Variants in LRCH2 observed in about 807,000 individuals in gnomAD.
LRCH2 encodes the protein leucine rich repeats and calponin homology domain containing 2, also known as leucine-rich repeat and calponin homology domain-containing protein 2.
In LRCH2, 38 loss-of-function variants were observed where a neutral mutation model predicts 68.9. That is an observed-to-expected ratio of 0.55 (90% CI 0.43 to 0.72). LRCH2 has a LOEUF of 0.72. Among genes scored for constraint, LRCH2 ranks in the 30% least tolerant of loss-of-function variants. The pLI is 0.00. For synonymous variants in LRCH2, 191 were observed against 208.1 expected, an observed-to-expected ratio of 0.92 and a Z score of 0.71; for missense variants, 528 against 572.9, an observed-to-expected ratio of 0.92 and a Z score of 0.80.
At chrX:115,176,599 G>A (rs2072649925) in intron 5 of LRCH2, among the ~76,000 whole-genome samples, 1 of 107,803 alleles carries the variant, frequency 9.3e-6, no homozygotes, top group South Asian at 3.9e-4. Context: ...AAATATTTCT[G>A]GATATCCACA....
At chrX:115,230,301 G>GT (rs782122870) in intron 1 of LRCH2, among the ~76,000 whole-genome samples, 2 of 108,323 alleles carry the variant, frequency 1.8e-5, no homozygotes, top group South Asian at 8.1e-4. Flanking sequence ...TAATCAAGGA[G>GT]TATCTGGAAG....
chrX:115,126,736 A>G (rs2072203110), intron 16 of LRCH2, 107 bp downstream of exon 16: 1 of 541,938 alleles, frequency 1.8e-6, no homozygotes, highest in Non-Finnish European at 2.8e-6. Flanking sequence ...AATAAATTAT[A>G]TTGCAAAAAA....
intron 1 of LRCH2, among the ~76,000 whole-genome samples, chrX:115,215,037 A>G (rs782707543): frequency 2.7e-5 from 3 of 112,668 alleles, no homozygotes; most frequent in South Asian, 7.3e-4. Flanking sequence ...TGTCATTTCA[A>G]ATCAATGTAG....
chrX:115,177,151 A>G (rs1243551344), intron 5 of LRCH2, among the ~76,000 whole-genome samples: 1 of 103,351 alleles, frequency 9.7e-6, no homozygotes, highest in Non-Finnish European at 2.0e-5. Context: ...AGCAGCCTCA[A>G]CCTACTGGGT....
Position 115,116,497 on chromosome X carries a change from T to C in LRCH2, c.2179-3162A>G, listed in dbSNP as rs782174613. On this transcript the variant is annotated intron_variant, in intron 20 of 20. Coordinates refer to ENST00000317135, the MANE Select transcript of LRCH2 (RefSeq NM_020871.4). ...ATTTCATTATATGTCATGTCTAGAG[T>C]AGGCAAATCCATAGAAAGAACAGAG... Among the ~76,000 whole-genome samples, 17 of 110,608 alleles carry C rather than the reference T, an allele frequency of 1.5e-4. No homozygotes were observed. The South Asian group carries it at 6.5e-3, about 42-fold the overall frequency.
At chrX:115,197,110 C>T (rs782723598) in intron 1 of LRCH2, among the ~76,000 whole-genome samples, 52 of 111,430 alleles carry the variant, frequency 4.7e-4, no homozygotes, top group African/African-American at 1.6e-3. Context: ...CCTTACCCAA[C>T]GAACATCATT....
At chrX:115,220,214 C>T (rs2073069039) in intron 1 of LRCH2, among the ~76,000 whole-genome samples, 1 of 111,674 alleles carries the variant, frequency 9.0e-6, no homozygotes. Context: ...ACTTAAACAT[C>T]TAATGATAGA....
chrX:115,178,606 C>T (rs1254857980), intron 5 of LRCH2, among the ~76,000 whole-genome samples: 2 of 111,944 alleles, frequency 1.8e-5, no homozygotes, highest in Non-Finnish European at 3.8e-5. Context: ...TTGCCTTCTC[C>T]CATAGCAGGC....
At chrX:115,200,527 T>C (rs1294516002) in intron 1 of LRCH2, among the ~76,000 whole-genome samples, 1 of 108,469 alleles carries the variant, frequency 9.2e-6, no homozygotes, top group African/African-American at 3.4e-5. Flanking sequence ...CAAGAAAACC[T>C]AGAGGAAAGA....
chrX:115,111,229 T>G lies in LRCH2; in HGVS notation c.*1987A>C, dbSNP rs2072040639. 1 of 111,004 alleles carries G rather than the reference T, an allele frequency of 9.0e-6. No homozygotes were observed. Among genetic ancestry groups the G allele is most frequent in the African/African-American group, 3.3e-5 (1 of 30,533 alleles). The allele number at this position is 111,004 out of a possible 1,213,427, so 9.1% of individuals were successfully genotyped here. A position where few individuals can be genotyped will look rare whatever the true frequency, so the allele number is the denominator to read the frequency against. On this transcript the variant is annotated 3_prime_UTR_variant, in exon 21 of 21. Transcript: ENST00000317135. Reference sequence around the variant, plus strand: ...TGCTCTGCAGTAAAGAATGCTACAGTGAGGTTCTGCTGTATTTTCTTTTTA... The same window carrying G: ...TGCTCTGCAGTAAAGAATGCTACAGGGAGGTTCTGCTGTATTTTCTTTTTA...
At position 115,111,039 on chromosome X, in the gene LRCH2, A is replaced by C. The variant is rs782582172; in HGVS notation, c.*2177T>G. 8.9e-6 allele frequency: 1 copy of C among 111,911 alleles called. No individual in the cohort carries two copies. The highest frequency in any genetic ancestry group is 3.2e-5 in the African/African-American group (1 of 30,789). 9.2% of individuals were successfully genotyped at this position (111,911 alleles called of 1,213,427 possible). ...AATAGCCATAAAAACATTTAGAATA[A>C]ATTTTACACTTAGAAACTACTAAAA... On this transcript the variant is annotated 3_prime_UTR_variant, in exon 21 of 21. Transcript: ENST00000317135.
At chrX:115,189,711 G>A (rs917815575) in intron 1 of LRCH2, 37 of 1,166,711 alleles carry the variant, frequency 3.2e-5, no homozygotes, top group Admixed American at 2.1e-4. Flanking sequence ...CGGCATTCAA[G>A]AGCAGCCGAT....
At chrX:115,179,295 G>A (rs1556551718) in intron 5 of LRCH2, 132 bp downstream of exon 5, 1 of 503,936 alleles carries the variant, frequency 2.0e-6, no homozygotes, top group Non-Finnish European at 2.9e-6. Flanking sequence ...GCAATGCTCA[G>A]AAAAACTTTA....
intron 11 of LRCH2, among the ~76,000 whole-genome samples, chrX:115,159,675 C>T (rs930471167): frequency 3.7e-5 from 4 of 106,986 alleles, no homozygotes; most frequent in Non-Finnish European, 7.7e-5. Context: ...GGCGTGAACC[C>T]AGGAGGCGGA....
chrX:115,222,127 C>A (rs1372044395), intron 1 of LRCH2, among the ~76,000 whole-genome samples: 1 of 110,773 alleles, frequency 9.0e-6, no homozygotes, highest in African/African-American at 3.3e-5. Context: ...TATTATATAC[C>A]ATGTTAATAC....
At chrX:115,219,354 C>T (rs781891744) in intron 1 of LRCH2, among the ~76,000 whole-genome samples, 1 of 111,561 alleles carries the variant, frequency 9.0e-6, no homozygotes, top group Non-Finnish European at 1.9e-5. Flanking sequence ...CCACTGAATC[C>T]TGAAATTAAA....
intron 1 of LRCH2, among the ~76,000 whole-genome samples, chrX:115,220,321 T>C (rs2073069624): frequency 8.9e-6 from 1 of 111,916 alleles, no homozygotes; most frequent in Non-Finnish European, 1.9e-5. Context: ...AGAAGAAGAG[T>C]ATACAATAGA....
chrX:115,155,038 CAAAAAAAA>C (rs561385926), intron 12 of LRCH2, among the ~76,000 whole-genome samples: 1 of 41,860 alleles, frequency 2.4e-5, no homozygotes, highest in African/African-American at 1.0e-4. Context: ...AAGACTCTGT[CAAAAAAAA>C]AAAAAAAAAA....
At chrX:115,195,737 G>A (rs1556562971) in intron 1 of LRCH2, among the ~76,000 whole-genome samples, 4 of 111,468 alleles carry the variant, frequency 3.6e-5, no homozygotes, top group South Asian at 3.8e-4. Context: ...ATCCCTAAGA[G>A]AGAGTGAGTG....
Sources: allele counts gnomAD v4.1 joint callset (sites outside exome capture counted in the v4.1 genomes callset), GRCh38; gene constraint gnomAD v4.1.1; transcripts MANE v1.5; gene names NCBI Gene and HGNC (gene_info 2026-07-23, HGNC 2026-07-21).